Variants in IGF2BP2 observed in about 807,000 individuals in gnomAD.
IGF2BP2 encodes insulin like growth factor 2 mRNA binding protein 2, also known as insulin-like growth factor 2 mRNA-binding protein 2.
In IGF2BP2, 17 loss-of-function variants were observed where a neutral mutation model predicts 75.8. The ratio of observed to expected loss-of-function variants is 0.22; its 90% confidence interval spans 0.15 to 0.34. The LOEUF is 0.34. IGF2BP2 is among the 10% of genes least tolerant of loss of function. The pLI, the probability that IGF2BP2 is intolerant of heterozygous loss-of-function variation, is 1.00. For synonymous variants in IGF2BP2, 288 were observed against 295.6 expected, an observed-to-expected ratio of 0.97 and a Z score of 0.26; for missense variants, 516 against 772.4, an observed-to-expected ratio of 0.67 and a Z score of 3.93.
chr3:185,737,812 T>C (rs986954737), intron 2 of IGF2BP2, among the ~76,000 whole-genome samples: 24 of 152,208 alleles, frequency 1.6e-4, no homozygotes, highest in Non-Finnish European at 2.9e-5. Flanking sequence ...TCTTAGACAC[T>C]CAGTACTTGG....
intron 7 of IGF2BP2, among the ~76,000 whole-genome samples, chr3:185,684,776 G>A (rs978369823): frequency 1.3e-5 from 2 of 151,928 alleles, no homozygotes; most frequent in Non-Finnish European, 2.9e-5. Context: ...TGTTTAATGA[G>A]TGTCTCTCCC....
intron 2 of IGF2BP2, among the ~76,000 whole-genome samples, chr3:185,772,968 A>T (rs1448237516): frequency 6.6e-6 from 1 of 152,192 alleles, no homozygotes; most frequent in African/African-American, 2.4e-5. Flanking sequence ...AGAAGACTTC[A>T]TCCCTGCTTC....
chr3:185,733,443 T>C (rs965864341), intron 2 of IGF2BP2, among the ~76,000 whole-genome samples: 4 of 152,120 alleles, frequency 2.6e-5, no homozygotes, highest in African/African-American at 4.8e-5. Flanking sequence ...GCCCTATGTG[T>C]TTAAAATTTA....
intron 7 of IGF2BP2, among the ~76,000 whole-genome samples, chr3:185,685,188 A>G (rs1720944847): frequency 6.6e-6 from 1 of 152,080 alleles, no homozygotes; most frequent in Non-Finnish European, 1.5e-5. Flanking sequence ...TCTCTACTAA[A>G]ATTACAAAAA....
At chr3:185,757,967 C>T (rs937286141) in intron 2 of IGF2BP2, among the ~76,000 whole-genome samples, 2 of 152,186 alleles carry the variant, frequency 1.3e-5, no homozygotes, top group African/African-American at 4.8e-5. Context: ...AAGAGACTAA[C>T]CTTTATTAAC....
chr3:185,691,565 T>C (rs984313447), intron 5 of IGF2BP2, among the ~76,000 whole-genome samples: 2 of 152,220 alleles, frequency 1.3e-5, no homozygotes, highest in Non-Finnish European at 2.9e-5. Flanking sequence ...ATTCTAGTTA[T>C]AATGACCTGA....
chr3:185,796,767 TTC>T (rs2149902311), intron 2 of IGF2BP2, among the ~76,000 whole-genome samples: 1 of 152,288 alleles, frequency 6.6e-6, no homozygotes, highest in Non-Finnish European at 1.5e-5. Flanking sequence ...CACTGTGAAC[TTC>T]TGTTTACTTT....
intron 10 of IGF2BP2, among the ~76,000 whole-genome samples, chr3:185,659,038 G>A (rs566493244): frequency 1.9e-4 from 29 of 152,068 alleles, no homozygotes; most frequent in Non-Finnish European, 3.7e-4. Context: ...GACACAGAGA[G>A]ATCCCATCTG....
At chr3:185,657,061 G>T (rs1715554152) in intron 12 of IGF2BP2, among the ~76,000 whole-genome samples, 7 of 152,192 alleles carry the variant, frequency 4.6e-5, no homozygotes, top group Admixed American at 4.6e-4. Flanking sequence ...ACTGGGTTGG[G>T]TTGTCTGCTA....
Position 185,657,283 on chromosome 3 carries a change from C to T in IGF2BP2, c.1386+3G>A. The T allele has an allele frequency of 1.2e-6, 2 of 1,610,002 alleles. No homozygotes were observed. Among genetic ancestry groups the T allele is most frequent in the Non-Finnish European group, 1.7e-6 (2 of 1,177,104 alleles). ...GCCACAGGGCCGTCAGGAGCAGCCT[C>T]ACCTTGATAGAGGCTCCGGCGAATC... On this transcript the variant is annotated splice_donor_region_variant and intron_variant, in intron 12 of 15. Coordinates refer to ENST00000382199, the MANE Select transcript of IGF2BP2 (RefSeq NM_006548.6).
chr3:185,727,310 G>A (rs1363006033), intron 2 of IGF2BP2, among the ~76,000 whole-genome samples: 1 of 152,098 alleles, frequency 6.6e-6, no homozygotes, highest in African/African-American at 2.4e-5. Context: ...AGAGCCCTCC[G>A]GAAGGTTAGT....
chr3:185,692,317 G>C (rs1389543175), intron 5 of IGF2BP2, among the ~76,000 whole-genome samples: 1 of 152,174 alleles, frequency 6.6e-6, no homozygotes, highest in Non-Finnish European at 1.5e-5. Context: ...GTGGTCCCAA[G>C]TGTTTGGCAA....
At chr3:185,692,583 C>T (rs1464455677) in intron 5 of IGF2BP2, 116 bp downstream of exon 5, 9 of 893,092 alleles carry the variant, frequency 1.0e-5, no homozygotes, top group African/African-American at 1.7e-5. Context: ...AAAGGTGGCA[C>T]ATATCCAGCT....
At chr3:185,736,283 G>A (rs1291121419) in intron 2 of IGF2BP2, among the ~76,000 whole-genome samples, 1 of 152,108 alleles carries the variant, frequency 6.6e-6, no homozygotes, top group Non-Finnish European at 1.5e-5. Context: ...TCCTTCCAAG[G>A]GCCCCAACAA....
chr3:185,792,028 G>C (rs1343490617), intron 2 of IGF2BP2, among the ~76,000 whole-genome samples: 1 of 152,172 alleles, frequency 6.6e-6, no homozygotes, highest in African/African-American at 2.4e-5. Context: ...AGTATTTGAA[G>C]ACAAGAGGGG....
At position 185,824,884 on chromosome 3, in the gene IGF2BP2, C is replaced by T. The variant is rs556174716; in HGVS notation, c.77G>A (p.Arg26Lys). Reference sequence around the variant, plus strand: ...GACCTGTCCCGCCAGGGGCAGCTTCCTGTCCCCAAAGAGCTGCCGGAGGTC... The same window carrying T: ...GACCTGTCCCGCCAGGGGCAGCTTCTTGTCCCCAAAGAGCTGCCGGAGGTC... The part of the protein sequence containing the change: ...ADDLRQLFGD[R>K]KLPLAGQVLL... The change falls in exon 1 of 16, where the codon AGG becomes AAG. Residue 26 changes from arginine (R) to lysine (K), a missense_variant. Around this residue, in one of 3 missense-constraint regions of IGF2BP2, gnomAD observed 312 missense variants for 474.5 expected, o/e 0.66. Transcript: ENST00000382199. 50 of 1,571,168 alleles carry T rather than the reference C, an allele frequency of 3.2e-5. No individual in the cohort carries two copies. Among genetic ancestry groups the T allele is most frequent in the Middle Eastern group, 3.4e-4 (2 of 5,908 alleles).
chr3:185,696,737 C>A (rs1444691664), intron 3 of IGF2BP2, 74 bp from the exon 4 acceptor site: 4 of 1,178,262 alleles, frequency 3.4e-6, no homozygotes, highest in Non-Finnish European at 2.5e-6. Context: ...GTGATATACC[C>A]CAGCAAACAA....
chr3:185,668,506 G>GATAT (rs1221304712), intron 10 of IGF2BP2, among the ~76,000 whole-genome samples: 5,025 of 127,126 alleles, frequency 0.04, 83 homozygotes, highest in Middle Eastern at 0.046. Flanking sequence ...GAGAGAGAGA[G>GATAT]AGATATATAT....
Position 185,678,368 on chromosome 3 carries a change from A to G in IGF2BP2, c.813-2455T>C, listed in dbSNP as rs1394813084. ...GTGGTAAAACTGTCCTTCAAAAACAAAGGAGAAATTAAGATTCCCAGATAA... is the reference window on the plus strand; with the variant it reads ...GTGGTAAAACTGTCCTTCAAAAACAGAGGAGAAATTAAGATTCCCAGATAA... On this transcript the variant is annotated intron_variant, in intron 7 of 15. Transcript: ENST00000382199. Among the ~76,000 whole-genome samples the G allele has an allele frequency of 2.0e-5, 3 of 152,200 alleles. No homozygotes were observed. The South Asian group carries it at 6.2e-4, about 32-fold the overall frequency.
Sources: gnomAD v4.1 joint callset for allele counts (sites outside exome capture counted in the v4.1 genomes callset) on GRCh38, gnomAD v4.1.1 for gene constraint, gnomAD v4.1.1 regional missense constraint, MANE v1.5 for transcripts, NCBI Gene and HGNC (gene_info 2026-07-23, HGNC 2026-07-21) for gene names.